The following SPAG16 variants were observed in gnomAD, a reference collection of about 807,000 sequenced individuals.
SPAG16 encodes sperm associated antigen 16.
In SPAG16, 86 loss-of-function variants were observed where a neutral mutation model predicts 80.4. The observed-to-expected ratio is 1.07, with a 90% CI of 0.90 to 1.28. The LOEUF (loss-of-function observed/expected upper bound fraction) is 1.28, where lower values mean the gene tolerates loss of function less well. Ranked by LOEUF, SPAG16 falls within the 50% of genes most tolerant of loss-of-function variation. The pLI is 0.00. For synonymous variants in SPAG16, 294 were observed against 265.9 expected, an observed-to-expected ratio of 1.11 and a Z score of -1.03; for missense variants, 870 against 765.3, an observed-to-expected ratio of 1.14 and a Z score of -1.61.
intron 10 of SPAG16, among the ~76,000 whole-genome samples, chr2:213,731,477 T>A: frequency 6.6e-6 from 1 of 151,786 alleles, no homozygotes; most frequent in South Asian, 2.1e-4. Flanking sequence ...TTTTTTTTTT[T>A]CTTTTCCAAC....
intron 9 of SPAG16, among the ~76,000 whole-genome samples, chr2:213,438,602 T>A (rs2070767678): frequency 6.6e-6 from 1 of 152,234 alleles, no homozygotes; most frequent in South Asian, 2.1e-4. Context: ...TAGGTAGAGT[T>A]CAAAGATGAT....
intron 10 of SPAG16, among the ~76,000 whole-genome samples, chr2:213,499,986 C>T (rs148780391): frequency 4.7e-4 from 72 of 152,208 alleles, no homozygotes; most frequent in South Asian, 3.1e-3. Context: ...TTGGCCTTCT[C>T]GATTCTAAAT....
At chr2:214,251,349 T>C (rs567443617) in intron 15 of SPAG16, among the ~76,000 whole-genome samples, 30 of 152,024 alleles carry the variant, frequency 2.0e-4, no homozygotes, top group African/African-American at 7.2e-4. Flanking sequence ...GTAATAATAA[T>C]AGGCAAAAGA....
At chr2:213,552,571 TA>T (rs764384702) in intron 10 of SPAG16, among the ~76,000 whole-genome samples, 4 of 152,218 alleles carry the variant, frequency 2.6e-5, no homozygotes, top group Non-Finnish European at 5.9e-5. Flanking sequence ...TGATATAATT[TA>T]TTCATTTCAA....
intron 11 of SPAG16, among the ~76,000 whole-genome samples, chr2:213,889,140 T>C (rs1055165620): frequency 1.3e-5 from 2 of 151,908 alleles, no homozygotes; most frequent in African/African-American, 2.4e-5. Context: ...GAGTACAATA[T>C]CAGTAAATGG....
At chr2:213,835,225 ATTCTAG>A (rs2074008491) in intron 10 of SPAG16, among the ~76,000 whole-genome samples, 1 of 152,172 alleles carries the variant, frequency 6.6e-6, no homozygotes, top group African/African-American at 2.4e-5. Context: ...GAAATGTCTG[ATTCTAG>A]TGCCAGGCTG....
chr2:214,070,505 A>G (rs1223590952), intron 13 of SPAG16, among the ~76,000 whole-genome samples: 1 of 152,070 alleles, frequency 6.6e-6, no homozygotes. Context: ...GCTTTAATAT[A>G]TACAAAAGCA....
At chr2:213,365,166 C>G (rs938460333) in intron 8 of SPAG16, 1 of 152,188 alleles carries the variant, frequency 6.6e-6, no homozygotes, top group Non-Finnish European at 1.5e-5. Flanking sequence ...TCTTTACAAT[C>G]TTTTACCCAC....
intron 15 of SPAG16, among the ~76,000 whole-genome samples, chr2:214,193,431 GAGA>G (rs2057729751): frequency 1.2e-5 from 1 of 86,084 alleles, no homozygotes; most frequent in Non-Finnish European, 3.0e-5. Flanking sequence ...GTGTATGAGA[GAGA>G]GAGAGAGAGA....
chr2:214,098,598 A>G (rs543468108), intron 13 of SPAG16, among the ~76,000 whole-genome samples: 1 of 152,186 alleles, frequency 6.6e-6, no homozygotes, highest in South Asian at 2.1e-4. Context: ...AGCCTCTACA[A>G]CTGTGAAGAA....
intron 9 of SPAG16, among the ~76,000 whole-genome samples, chr2:213,389,032 A>G (rs978188114): frequency 1.3e-5 from 2 of 152,348 alleles, no homozygotes; most frequent in Middle Eastern, 3.4e-3. Flanking sequence ...GCAAAGCTAC[A>G]GTAATCAAAA....
intron 15 of SPAG16, among the ~76,000 whole-genome samples, chr2:214,176,629 T>C (rs190523023): frequency 6.6e-6 from 1 of 151,348 alleles, no homozygotes; most frequent in African/African-American, 2.4e-5. Context: ...GAATGTATAG[T>C]TGTATATTAT....
intron 3 of SPAG16, among the ~76,000 whole-genome samples, chr2:213,303,209 T>A (rs2126092528): frequency 1.3e-5 from 2 of 152,170 alleles, no homozygotes; most frequent in Middle Eastern, 3.4e-3. Context: ...CCTGTACTTC[T>A]TATGTAATGT....
In SPAG16 at chr2:213,500,590, G is replaced by A. The variant is rs965643235; in HGVS notation, c.1070+10500G>A. ...ATGGTAAGTGAGAGAGAGAGACAGA[G>A]ATTTATTTCTGTGCTTCTTTTTATC... On this transcript the variant is annotated intron_variant, in intron 10 of 15. Coordinates refer to ENST00000331683, the MANE Select transcript of SPAG16 (RefSeq NM_024532.5). Among the ~76,000 whole-genome samples the A allele has an allele frequency of 3.3e-5, 5 of 152,276 alleles. No homozygotes were observed. The South Asian group carries it at 1.0e-3, about 32-fold the overall frequency.
At chr2:213,348,661 T>A (rs1559438810) in intron 6 of SPAG16, among the ~76,000 whole-genome samples, 1 of 152,338 alleles carries the variant, frequency 6.6e-6, no homozygotes, top group East Asian at 1.9e-4. Flanking sequence ...GGATATGAAA[T>A]TCTGGGTTGA....
intron 12 of SPAG16, among the ~76,000 whole-genome samples, chr2:213,999,545 C>A (rs903275673): frequency 6.6e-6 from 1 of 152,196 alleles, no homozygotes; most frequent in African/African-American, 2.4e-5. Context: ...GTGGCTGGAG[C>A]CCCCATACAC....
chr2:213,505,325 T>C (rs2074925761), intron 10 of SPAG16, among the ~76,000 whole-genome samples: 1 of 152,138 alleles, frequency 6.6e-6, no homozygotes, highest in Non-Finnish European at 1.5e-5. Flanking sequence ...TTTTTTGGTT[T>C]TGTTTTTCTT....
chr2:213,583,920 G>A (rs1291858520), intron 10 of SPAG16, among the ~76,000 whole-genome samples: 3 of 152,058 alleles, frequency 2.0e-5, no homozygotes, highest in South Asian at 2.1e-4. Flanking sequence ...AATAAATTAC[G>A]AACAACGTGA....
At chr2:214,093,427 GTA>G (rs71037338) in intron 13 of SPAG16, among the ~76,000 whole-genome samples, 3 of 150,770 alleles carry the variant, frequency 2.0e-5, no homozygotes, top group African/African-American at 2.4e-5. Context: ...TCATTCTAAT[GTA>G]TATATATATA....
Sources: gnomAD v4.1 joint callset for allele counts (sites outside exome capture counted in the v4.1 genomes callset) on GRCh38, gnomAD v4.1.1 for gene constraint, MANE v1.5 for transcripts, NCBI Gene and HGNC (gene_info 2026-07-23, HGNC 2026-07-21) for gene names.